Variants in ADAM18 observed in about 807,000 individuals in gnomAD.
ADAM18 encodes the protein disintegrin and metalloproteinase domain-containing protein 18.
ADAM18 carries 117 observed loss-of-function variants against 94.4 expected under a neutral mutation model. That is an observed-to-expected ratio of 1.24 (90% CI 1.07 to 1.45). The LOEUF (loss-of-function observed/expected upper bound fraction) is 1.45. ADAM18 is among the 40% of genes most tolerant of loss of function. The pLI, the probability that ADAM18 is intolerant of heterozygous loss-of-function variation, is 0.00. For missense variants in ADAM18, 936 were observed against 880.0 expected, an observed-to-expected ratio of 1.06 and a Z score of -0.81; for synonymous variants, 327 against 291.6, an observed-to-expected ratio of 1.12 and a Z score of -1.24.
At chr8:39,610,444 TTCTTATGCCATTTCAGA>T in intron 5 of ADAM18, 68 bp from the exon 6 acceptor site, 1 of 1,403,026 alleles carries the variant, frequency 7.1e-7, no homozygotes, top group South Asian at 1.7e-5. Flanking sequence ...GTTTTTTAAT[TTCTTATGCCATTTCAGA>T]TTATCATTTT....
At chr8:39,719,423 T>C (rs534357552) in intron 18 of ADAM18, among the ~76,000 whole-genome samples, 1 of 151,414 alleles carries the variant, frequency 6.6e-6, no homozygotes, top group South Asian at 2.1e-4. Flanking sequence ...ATTTTGTAGA[T>C]ATGACACCAA....
intron 18 of ADAM18, among the ~76,000 whole-genome samples, chr8:39,715,642 G>A (rs921634655): frequency 1.3e-5 from 2 of 151,686 alleles, no homozygotes; most frequent in Non-Finnish European, 2.9e-5. Flanking sequence ...ACATGTAAGC[G>A]GTAATAGAGA....
chr8:39,645,404 G>A lies in ADAM18; in HGVS notation c.976G>A (p.Gly326Arg). The A allele has an allele frequency of 1.2e-6, 2 of 1,612,620 alleles. No individual in the cohort carries two copies. Among genetic ancestry groups the A allele is most frequent in the Non-Finnish European group, 8.5e-7 (1 of 1,179,324 alleles). The change falls in exon 11 of 20, where the codon GGA becomes AGA. Residue 326 changes from glycine (G) to arginine (R), a missense_variant. Gly to Arg is a moderately radical substitution (Grantham distance 125). Coordinates refer to ENST00000265707, the MANE Select transcript of ADAM18 (RefSeq NM_014237.3). ...AGCTCAACTGCTTGGCCTTAATGTA[G>A]GATTAACATATGATGACATCACTCA... ...IIAQLLGLNV[G>R]LTYDDITQCF...
At chr8:39,658,313 T>C (rs1820740912) in intron 12 of ADAM18, among the ~76,000 whole-genome samples, 1 of 152,154 alleles carries the variant, frequency 6.6e-6, no homozygotes, top group Admixed American at 6.5e-5. Context: ...GCAGGTGTGA[T>C]TAAGTTAAAG....
intron 19 of ADAM18, among the ~76,000 whole-genome samples, chr8:39,727,227 A>T (rs1240710002): frequency 6.6e-6 from 1 of 152,144 alleles, no homozygotes; most frequent in Non-Finnish European, 1.5e-5. Context: ...ATTGTCTTGG[A>T]TATTAGCACT....
chr8:39,653,805 G>A (rs1011797075), intron 12 of ADAM18, among the ~76,000 whole-genome samples: 18 of 152,114 alleles, frequency 1.2e-4, no homozygotes, highest in African/African-American at 4.3e-4. Flanking sequence ...GGTACCTGGG[G>A]TATATTTTCT....
chr8:39,604,521 A>G (rs1350444421), intron 2 of ADAM18: 3 of 152,156 alleles, frequency 2.0e-5, no homozygotes, highest in Admixed American at 2.0e-4. Context: ...TGGATCCCTC[A>G]TGGCTTGGTG....
chr8:39,637,464 G>A, intron 8 of ADAM18, 73 bp from the exon 9 acceptor site: 1 of 1,426,578 alleles, frequency 7.0e-7, no homozygotes, highest in African/African-American at 1.5e-5. Context: ...GGAACATGTT[G>A]TTTATTTTTT....
intron 12 of ADAM18, among the ~76,000 whole-genome samples, chr8:39,656,712 T>C (rs1442371804): frequency 1.3e-5 from 2 of 152,178 alleles, no homozygotes; most frequent in African/African-American, 2.4e-5. Flanking sequence ...AAAGAATACA[T>C]ATAAATCAAT....
rs549536518 is a variant in ADAM18 at position 39,637,112 on chromosome 8, T to C, written c.589-152T>C. On this transcript the variant is annotated intron_variant, in intron 7 of 19. Transcript: ENST00000265707. Reference sequence around the variant, plus strand: ...CCATAAAATCTTGTCTCATATAAAATAGTGTAGAATTTGCTCAAATCTGCA... The same window carrying C: ...CCATAAAATCTTGTCTCATATAAAACAGTGTAGAATTTGCTCAAATCTGCA... The C allele has an allele frequency of 6.1e-5, 23 of 374,078 alleles. 1 individual carries two copies. In the East Asian group the frequency reaches 1.0e-3, roughly 16 times the overall value. 23.2% of individuals were successfully genotyped at this position (374,078 alleles called of 1,614,324 possible). A position where few individuals can be genotyped will look rare whatever the true frequency, so the allele number is the denominator to read the frequency against.
intron 2 of ADAM18, among the ~76,000 whole-genome samples, chr8:39,586,939 A>T (rs1390729789): frequency 1.3e-5 from 2 of 152,186 alleles, no homozygotes; most frequent in African/African-American, 2.4e-5. Flanking sequence ...GGGCTTGATG[A>T]AATAGTTTTA....
rs548280227 is a variant in ADAM18 at position 39,660,159 on chromosome 8, G to C, written c.1231-3636G>C. 3.9e-5 allele frequency among the ~76,000 whole-genome samples: 6 copies of C among 151,914 alleles called. No homozygotes were observed. In the South Asian group the frequency reaches 1.2e-3, roughly 32 times the overall value. Reference sequence around the variant, plus strand: ...ACAAAAGAAAATCACCAAATCACAAGGATAAACAACAAGAGAAGAAGAAAA... The same window carrying C: ...ACAAAAGAAAATCACCAAATCACAACGATAAACAACAAGAGAAGAAGAAAA... On this transcript the variant is annotated intron_variant, in intron 12 of 19. Transcript: ENST00000265707.
At chr8:39,683,231 T>C (rs1821519352) in intron 16 of ADAM18, among the ~76,000 whole-genome samples, 1 of 152,198 alleles carries the variant, frequency 6.6e-6, no homozygotes, top group Middle Eastern at 3.2e-3. Flanking sequence ...AATGAGCATG[T>C]TAATACAACA....
intron 14 of ADAM18, among the ~76,000 whole-genome samples, chr8:39,673,930 G>A (rs1245455651): frequency 6.6e-6 from 1 of 152,168 alleles, no homozygotes; most frequent in African/African-American, 2.4e-5. Context: ...TAGTTGTGCG[G>A]TTTTGAGAGA....
rs1362164269 is a variant in ADAM18 at position 39,667,364 on chromosome 8, T to G, written c.1327-634T>G. On this transcript the variant is annotated intron_variant, in intron 13 of 19. Transcript: ENST00000265707. ...TTGAAGTGAACTGAGATCATGCCAC[T>G]TCACTCCAGCCTGAGCAAAAGAGCA... 2.0e-4 allele frequency among the ~76,000 whole-genome samples: 30 copies of G among 149,958 alleles called. 1 individual carries two copies. Among genetic ancestry groups the G allele is most frequent in the Admixed American group, 1.9e-3 (29 of 14,972 alleles).
chr8:39,723,523 C>A (rs1822816306), intron 18 of ADAM18, among the ~76,000 whole-genome samples: 1 of 151,444 alleles, frequency 6.6e-6, no homozygotes. Flanking sequence ...AAACAGCACT[C>A]TAAACATGTA....
intron 2 of ADAM18, among the ~76,000 whole-genome samples, chr8:39,596,917 G>A (rs1375896852): frequency 1.3e-5 from 2 of 152,106 alleles, no homozygotes; most frequent in African/African-American, 4.8e-5. Flanking sequence ...CCTTAATAAT[G>A]TATAAGGATT....
At chr8:39,587,641 TC>T (rs2129457938) in intron 2 of ADAM18, among the ~76,000 whole-genome samples, 1 of 152,192 alleles carries the variant, frequency 6.6e-6, no homozygotes, top group African/African-American at 2.4e-5. Flanking sequence ...AGATGGAGTT[TC>T]CCCATGTTGG....
chr8:39,693,409 T>C (rs1415199408), intron 17 of ADAM18, among the ~76,000 whole-genome samples: 1 of 151,392 alleles, frequency 6.6e-6, no homozygotes, highest in Non-Finnish European at 1.5e-5. Context: ...TTTTTTTTTC[T>C]GTAATTATAA....
Sources: allele counts gnomAD v4.1 joint callset (sites outside exome capture counted in the v4.1 genomes callset), GRCh38; gene constraint gnomAD v4.1.1; transcripts MANE v1.5; gene names NCBI Gene and HGNC (gene_info 2026-07-23, HGNC 2026-07-21).